The following TF variants were observed in gnomAD, a reference collection of about 807,000 sequenced individuals.
TF encodes serotransferrin.
Under a neutral mutation model 82.4 loss-of-function variants are expected in TF, and 55 were observed. The observed-to-expected ratio is 0.67, with a 90% CI of 0.54 to 0.84. The LOEUF is 0.84. TF is among the 40% of genes least tolerant of loss of function. The pLI is 0.00. For synonymous variants in TF, 332 were observed against 332.6 expected (o/e 1.00, Z 0.02); for missense variants, 737 against 868.4 (o/e 0.85, Z 1.90).
Position 133,748,600 on chromosome 3 carries a change from C to T in TF, c.216+16C>T, listed in dbSNP as rs112668174. 587 of 1,613,856 alleles carry T rather than the reference C, an allele frequency of 3.6e-4. 3 individuals carry two copies. Among genetic ancestry groups the T allele is most frequent in the Non-Finnish European group, 3.0e-4 (353 of 1,179,922 alleles). Reference sequence around the variant, plus strand: ...GGCCATTGCGGTAAGTCGCTGCTGCCTAAAAGAGAGTGGAAGAAAGCCATA... The same window carrying T: ...GGCCATTGCGGTAAGTCGCTGCTGCTTAAAAGAGAGTGGAAGAAAGCCATA... On this transcript the variant is annotated intron_variant, in intron 2 of 16. Transcript: ENST00000402696.
At chr3:133,691,892 T>C in the TF span, 1 of 153,088 alleles carries the variant, frequency 6.5e-6, no homozygotes, top group Non-Finnish European at 1.5e-5. Context: ...TGGGTGTGGG[T>C]GGCAGGGGCC....
upstream of TF, among the ~76,000 whole-genome samples, chr3:133,744,614 T>G (rs1933455447): frequency 6.6e-6 from 1 of 152,168 alleles, no homozygotes; most frequent in African/African-American, 2.4e-5. Flanking sequence ...AAGGGGCCCG[T>G]GGACGGGCAA....
the TF span, among the ~76,000 whole-genome samples, chr3:133,714,336 C>A: frequency 1.3e-5 from 2 of 152,182 alleles, no homozygotes; most frequent in East Asian, 1.9e-4. Context: ...GTTATGTGAA[C>A]AATGTATGAG....
In TF at chr3:133,770,570, G is replaced by T. The variant is rs41296590; in HGVS notation, c.1685G>T (p.Gly562Val). ...VKHQTVPQNT[G>V]GKNPDPWAKN... is the part of the protein sequence containing the mutation. ...CACCAGACTGTCCCACAGAACACTG[G>T]GGGTAAGTGCACCTGCTCCTCTGTC... The change falls in exon 14 of 17, where the codon GGG becomes GTG. Residue 562 changes from glycine to valine, a missense_variant and splice_region_variant. By Grantham distance (109) the Gly-to-Val change is moderately radical. Coordinates refer to ENST00000402696, the MANE Select transcript of TF (RefSeq NM_001063.4). 89 of 1,613,908 alleles carry T rather than the reference G, an allele frequency of 5.5e-5. 1 individual carries two copies. In the Admixed American group the frequency reaches 1.5e-3, roughly 27 times the overall value.
At chr3:133,696,381 A>G in the TF span, among the ~76,000 whole-genome samples, 1 of 51,882 alleles carries the variant, frequency 1.9e-5, no homozygotes, top group Non-Finnish European at 4.4e-5. Context: ...TATCATAAGT[A>G]TGTAGTATAG....
At chr3:133,764,792 T>C (rs1372546301) in intron 10 of TF, 83 bp from the exon 11 acceptor site, 1 of 1,348,482 alleles carries the variant, frequency 7.4e-7, no homozygotes, top group Admixed American at 1.8e-5. Context: ...TCTTTATTCT[T>C]AGCTGCAGCA....
At chr3:133,764,731 G>A (rs1011899284) in intron 10 of TF, 144 bp from the exon 11 acceptor site, 1 of 778,444 alleles carries the variant, frequency 1.3e-6, no homozygotes, top group Admixed American at 2.3e-5. Flanking sequence ...GATCCAGAGA[G>A]TCTGGACTTG....
the TF span, among the ~76,000 whole-genome samples, chr3:133,666,663 A>G: frequency 7.9e-5 from 12 of 152,304 alleles, no homozygotes; most frequent in African/African-American, 2.9e-4. Context: ...GTGGGTTGCT[A>G]CTGGCTGCAT....
chr3:133,696,019 T>A, the TF span, among the ~76,000 whole-genome samples: 5 of 152,192 alleles, frequency 3.3e-5, no homozygotes, highest in African/African-American at 1.2e-4. Flanking sequence ...TCCTGGCACT[T>A]CCCGTTTATG....
At chr3:133,693,942 A>C in the TF span, among the ~76,000 whole-genome samples, 1 of 152,160 alleles carries the variant, frequency 6.6e-6, no homozygotes, top group Non-Finnish European at 1.5e-5. Flanking sequence ...GCAGCGGACA[A>C]GCTGGGGAAC....
the TF span, among the ~76,000 whole-genome samples, chr3:133,719,815 G>C: frequency 6.6e-6 from 1 of 151,760 alleles, no homozygotes; most frequent in Non-Finnish European, 1.5e-5. Flanking sequence ...TTAGTGTAGA[G>C]ATCCTTCACC....
chr3:133,696,379 G>T, the TF span, among the ~76,000 whole-genome samples: 1 of 51,842 alleles, frequency 1.9e-5, no homozygotes, highest in Non-Finnish European at 4.4e-5. Context: ...TTTATCATAA[G>T]TATGTAGTAT....
chr3:133,757,703 TC>T, intron 7 of TF, 65 bp from the exon 8 acceptor site: 1 of 1,466,828 alleles, frequency 6.8e-7, no homozygotes, highest in Non-Finnish European at 9.5e-7. Flanking sequence ...TCTTTTCTCT[TC>T]AGTCCCATTT....
At chr3:133,708,367 A>G in the TF span, among the ~76,000 whole-genome samples, 2 of 152,186 alleles carry the variant, frequency 1.3e-5, no homozygotes, top group Non-Finnish European at 2.9e-5. Flanking sequence ...GCAAGATTCT[A>G]TTGAAAAAGT....
At chr3:133,712,296 C>A in the TF span, among the ~76,000 whole-genome samples, 10 of 152,136 alleles carry the variant, frequency 6.6e-5, no homozygotes, top group African/African-American at 2.2e-4. Context: ...GATGGCACAC[C>A]TTGTGAAAAA....
chr3:133,722,260 G>A, the TF span, among the ~76,000 whole-genome samples: 2 of 151,516 alleles, frequency 1.3e-5, no homozygotes, highest in African/African-American at 4.9e-5. Context: ...GTTTCTATTT[G>A]CATGGAATAT....
chr3:133,680,783 A>G, the TF span, among the ~76,000 whole-genome samples: 13 of 152,140 alleles, frequency 8.5e-5, no homozygotes, highest in African/African-American at 3.1e-4. Context: ...TTCTTTTAAT[A>G]TTTCCTACCT....
the TF span, among the ~76,000 whole-genome samples, chr3:133,662,682 C>G: frequency 7.2e-6 from 1 of 138,954 alleles, no homozygotes; most frequent in Non-Finnish European, 1.6e-5. Flanking sequence ...GGCCTGCAAA[C>G]CTTAGTGATA....
chr3:133,731,373 G>A, the TF span, among the ~76,000 whole-genome samples: 1 of 152,208 alleles, frequency 6.6e-6, no homozygotes, highest in Non-Finnish European at 1.5e-5. Context: ...GGACAGTGGG[G>A]ACAGCTCAGG....
Sources: gnomAD v4.1 joint callset for allele counts (sites outside exome capture counted in the v4.1 genomes callset) on GRCh38, gnomAD v4.1.1 for gene constraint, MANE v1.5 for transcripts, NCBI Gene and HGNC (gene_info 2026-07-23, HGNC 2026-07-21) for gene names.